OPRM1: variants seen among roughly 807,000 people sequenced by gnomAD.
OPRM1 encodes the protein opioid receptor mu 1, also known as mu-type opioid receptor.
A neutral mutation model predicts 31.8 loss-of-function variants in OPRM1; 27 were observed. The observed-to-expected ratio is 0.85, with a 90% CI of 0.63 to 1.17. OPRM1 has a LOEUF of 1.17. Ranked by LOEUF, OPRM1 falls within the 50% of genes most tolerant of loss-of-function variation. The pLI is 0.00. For missense variants in OPRM1, 536 were observed against 511.1 expected (o/e 1.05, Z -0.47); for synonymous variants, 196 against 189.9 (o/e 1.03, Z -0.26).
At chr6:154,082,057 A>G (rs1789286677) in intron 1 of OPRM1, among the ~76,000 whole-genome samples, 1 of 152,210 alleles carries the variant, frequency 6.6e-6, no homozygotes, top group African/African-American at 2.4e-5. Context: ...TCATTATTCC[A>G]TGACTTTCTA....
intron 3 of OPRM1, among the ~76,000 whole-genome samples, chr6:154,203,881 T>C (rs1469946491): frequency 6.6e-6 from 1 of 152,110 alleles, no homozygotes. Flanking sequence ...CTCCCTGAAA[T>C]CCTCCATAAA....
chr6:154,161,985 C>T (rs1358355188), intron 3 of OPRM1, among the ~76,000 whole-genome samples: 5 of 152,198 alleles, frequency 3.3e-5, no homozygotes, highest in African/African-American at 7.2e-5. Context: ...CATCCTCACT[C>T]GCAGCTGATG....
chr6:154,058,110 G>A (rs891119056), intron 1 of OPRM1, among the ~76,000 whole-genome samples: 7 of 152,012 alleles, frequency 4.6e-5, no homozygotes, highest in Non-Finnish European at 5.9e-5. Context: ...ATTTCCACAG[G>A]AGTATTATTT....
chr6:154,078,181 T>C (rs1350749608), intron 1 of OPRM1, among the ~76,000 whole-genome samples: 1 of 152,206 alleles, frequency 6.6e-6, no homozygotes, highest in African/African-American at 2.4e-5. Flanking sequence ...GTTTTCTTCC[T>C]CAGTTCCATG....
intron 1 of OPRM1, among the ~76,000 whole-genome samples, chr6:154,018,655 C>T (rs1238894797): frequency 1.3e-5 from 2 of 152,132 alleles, no homozygotes; most frequent in African/African-American, 4.8e-5. Context: ...ATCACAATGT[C>T]ATTCTCCTAT....
At chr6:154,170,761 G>C (rs1799808068) in intron 3 of OPRM1, among the ~76,000 whole-genome samples, 1 of 152,126 alleles carries the variant, frequency 6.6e-6, no homozygotes, top group Non-Finnish European at 1.5e-5. Flanking sequence ...TCACACCCAG[G>C]GTGGCTACAA....
chr6:154,096,940 A>G (rs763480456), intron 3 of OPRM1, among the ~76,000 whole-genome samples: 1 of 152,352 alleles, frequency 6.6e-6, no homozygotes, highest in African/African-American at 2.4e-5. Context: ...AAATAAAACA[A>G]TAAACTGAAA....
rs1451622963 is a variant in OPRM1, at chr6:154,128,829, T to C, written c.*10108T>C. On this transcript the variant is annotated 3_prime_UTR_variant, in exon 4 of 4. Coordinates refer to ENST00000330432, the MANE Select transcript of OPRM1 (RefSeq NM_000914.5). Reference sequence around the variant, plus strand: ...CTATTTCTGACATAAATTTAAAAACTAGTATTGTTTCTTCTAGCTCTGTTT... The same window carrying C: ...CTATTTCTGACATAAATTTAAAAACCAGTATTGTTTCTTCTAGCTCTGTTT... Among the ~76,000 whole-genome samples the C allele has an allele frequency of 6.6e-6, 1 of 152,188 alleles. No homozygotes were observed. Among genetic ancestry groups the C allele is most frequent in the Non-Finnish European group, 1.5e-5 (1 of 68,028 alleles).
At chr6:154,142,768 T>G (rs554037407) in intron 3 of OPRM1, among the ~76,000 whole-genome samples, 1 of 152,326 alleles carries the variant, frequency 6.6e-6, no homozygotes, top group East Asian at 1.9e-4. Context: ...TTCTTTCTAC[T>G]GAGAAGGCAA....
chr6:154,081,640 C>T (rs563423477), intron 1 of OPRM1, among the ~76,000 whole-genome samples: 1 of 152,220 alleles, frequency 6.6e-6, no homozygotes, highest in Non-Finnish European at 1.5e-5. Flanking sequence ...AAGATACTCT[C>T]AGCACAGTCA....
intron 3 of OPRM1, among the ~76,000 whole-genome samples, chr6:154,215,121 G>A (rs888918161): frequency 2.6e-5 from 4 of 152,010 alleles, no homozygotes; most frequent in Non-Finnish European, 4.4e-5. Context: ...TTATCAATTC[G>A]TCTATGCTTT....
chr6:154,134,675 C>G (rs935950063), downstream of OPRM1, among the ~76,000 whole-genome samples: 3 of 152,176 alleles, frequency 2.0e-5, no homozygotes, highest in African/African-American at 4.8e-5. Flanking sequence ...GGCTCAGACT[C>G]CTCACCCTCA....
chr6:154,159,732 G>A lies in OPRM1; in HGVS notation c.1164+68260G>A, dbSNP rs1253426478. 3.3e-6 allele frequency: 3 copies of A among 906,776 alleles called. No individual in the cohort carries two copies. The African/African-American group carries it at 5.1e-5, about 15-fold the overall frequency. 56.2% of individuals were successfully genotyped at this position (906,776 alleles called of 1,614,324 possible). A position where few individuals can be genotyped will look rare whatever the true frequency, so the allele number is the denominator to read the frequency against. On this transcript the variant is annotated intron_variant, in intron 3 of 3. Coordinates refer to the OPRM1 transcript ENST00000337049. ...GGGAAGCTGATGCTTGAAGGACTGGGTTTCAGTTTTCCTTTTAAGGAAAAA... is the reference window on the plus strand; with the variant it reads ...GGGAAGCTGATGCTTGAAGGACTGGATTTCAGTTTTCCTTTTAAGGAAAAA...
At chr6:154,024,125 T>C (rs1778546422) in intron 1 of OPRM1, among the ~76,000 whole-genome samples, 1 of 152,146 alleles carries the variant, frequency 6.6e-6, no homozygotes, top group Admixed American at 6.5e-5. Flanking sequence ...GCATTAGTTC[T>C]TCTTTAAATG....
chr6:154,017,938 A>C (rs921606383), intron 1 of OPRM1, among the ~76,000 whole-genome samples: 1 of 152,146 alleles, frequency 6.6e-6, no homozygotes, highest in Non-Finnish European at 1.5e-5. Flanking sequence ...TCAATCAAAC[A>C]GTACGTATTC....
At chr6:154,200,638 T>C (rs1776990557) in intron 3 of OPRM1, among the ~76,000 whole-genome samples, 1 of 152,024 alleles carries the variant, frequency 6.6e-6, no homozygotes, top group African/African-American at 2.4e-5. Context: ...GGAGAATCAC[T>C]TGAACCTGGG....
intron 3 of OPRM1, among the ~76,000 whole-genome samples, chr6:154,162,033 A>T (rs118173674): frequency 6.6e-6 from 1 of 152,322 alleles, no homozygotes; most frequent in Non-Finnish European, 1.5e-5. Context: ...GGAAGCCATC[A>T]GAAGAGCACT....
At chr6:154,061,785 T>C (rs542082381) in intron 1 of OPRM1, among the ~76,000 whole-genome samples, 33 of 151,200 alleles carry the variant, frequency 2.2e-4, no homozygotes, top group Non-Finnish European at 4.1e-4. Flanking sequence ...TTTACCTATG[T>C]AATAAACCTG....
chr6:154,087,029 A>G (rs1790751815), intron 1 of OPRM1: 2 of 983,382 alleles, frequency 2.0e-6, no homozygotes, highest in Non-Finnish European at 2.4e-6. Context: ...TGCCATATTT[A>G]AAGTCCAAAC....
Sources: gnomAD v4.1 joint callset for allele counts (sites outside exome capture counted in the v4.1 genomes callset) on GRCh38, gnomAD v4.1.1 for gene constraint, MANE v1.5 for transcripts, NCBI Gene and HGNC (gene_info 2026-07-23, HGNC 2026-07-21) for gene names.